Variants in DDX19A observed in about 807,000 individuals in gnomAD.
DDX19A encodes the protein DEAD-box helicase 19A.
Under a neutral mutation model 60.6 loss-of-function variants are expected in DDX19A, and 12 were observed. The ratio of observed to expected loss-of-function variants is 0.20; its 90% CI spans 0.13 to 0.32. The LOEUF is 0.32. Ranked by LOEUF, DDX19A falls within the 10% of genes least tolerant of loss-of-function variation. The pLI is 1.00. For synonymous variants in DDX19A, 206 were observed against 218.2 expected (o/e 0.94, Z 0.49); for missense variants, 337 against 600.6 (o/e 0.56, Z 4.59).
At chr16:70,368,955 C>T (rs550248900) in intron 9 of DDX19A, among the ~76,000 whole-genome samples, 1 of 152,248 alleles carries the variant, frequency 6.6e-6, no homozygotes, top group East Asian at 1.9e-4. Context: ...CAACCTCTGC[C>T]TCCCGGGTTC....
intron 2 of DDX19A, among the ~76,000 whole-genome samples, chr16:70,353,323 C>G (rs1318878616): frequency 6.6e-6 from 1 of 151,850 alleles, no homozygotes. Context: ...CCGTATTACC[C>G]AGACTGCTCT....
At position 70,372,399 on chromosome 16, in the gene DDX19A, G is replaced by A. The variant is rs1050658269; in HGVS notation, c.*413G>A. The A allele has an allele frequency of 2.1e-5, 5 of 243,290 alleles. No homozygotes were observed. Among genetic ancestry groups the A allele is most frequent in the African/African-American group, 9.2e-5 (4 of 43,590 alleles). 15.1% of individuals were successfully genotyped at this position (243,290 alleles called of 1,614,324 possible). A position where few individuals can be genotyped will look rare whatever the true frequency, so the allele number is the denominator to read the frequency against. On this transcript the variant is annotated 3_prime_UTR_variant, in exon 12 of 12. Coordinates refer to ENST00000302243, the MANE Select transcript of DDX19A (RefSeq NM_018332.5). ...GGTGTGAGCCCCACCGCTGTGCATC[G>A]AATGAGGGAAGTGGCAGCAGAGAGG...
intron 4 of DDX19A, among the ~76,000 whole-genome samples, chr16:70,356,648 G>A (rs549401909): frequency 2.1e-4 from 32 of 152,048 alleles, no homozygotes; most frequent in Non-Finnish European, 3.2e-4. Context: ...GTGAGCCACC[G>A]TGCCTGGCTA....
intron 1 of DDX19A, 104 bp from the exon 2 acceptor site, chr16:70,350,453 T>G: frequency 1.3e-6 from 1 of 747,750 alleles, no homozygotes. Flanking sequence ...ATACTGGTGC[T>G]GAAAGTTTCA....
intron 2 of DDX19A, among the ~76,000 whole-genome samples, chr16:70,354,544 TA>T (rs1292719649): frequency 6.6e-6 from 1 of 152,076 alleles, no homozygotes; most frequent in Non-Finnish European, 1.5e-5. Flanking sequence ...ATCTGATAGG[TA>T]AAAAATGGTA....
At position 70,372,883 on chromosome 16, in the gene DDX19A, C is replaced by G. The variant is rs1328471276; in HGVS notation, c.*897C>G. ...GGAAGTTATGACCAAGGGAATTATG[C>G]TGTTCATTTATAATAGTGGACATTA... On this transcript the variant is annotated 3_prime_UTR_variant, in exon 12 of 12. Coordinates refer to ENST00000302243, the MANE Select transcript of DDX19A (RefSeq NM_018332.5). The G allele has an allele frequency of 1.3e-5, 2 of 152,202 alleles. No homozygotes were observed. The highest frequency in any genetic ancestry group is 2.9e-5 in the Non-Finnish European group (2 of 68,056). 9.4% of individuals were successfully genotyped at this position (152,202 alleles called of 1,614,324 possible). A position where few individuals can be genotyped will look rare whatever the true frequency, so the allele number is the denominator to read the frequency against.
rs775630463 is a variant in DDX19A, at chr16:70,346,934, C to A, written c.-58C>A. On this transcript the variant is annotated 5_prime_UTR_variant, in exon 1 of 12. Coordinates refer to ENST00000302243, the MANE Select transcript of DDX19A (RefSeq NM_018332.5). The stretch of plus-strand genomic sequence containing the variant: ...TCGCGCCGGTGGCGAGGTTAGGGCC[C>A]GCGTTGCGACGTGGTGCAGCGCATA... The A allele has an allele frequency of 4.5e-6, 7 of 1,548,508 alleles. No homozygotes were observed. The highest frequency in any genetic ancestry group is 2.3e-5 in the East Asian group (1 of 43,158).
chr16:70,355,638 A>T, intron 3 of DDX19A, 103 bp downstream of exon 3: 1 of 934,128 alleles, frequency 1.1e-6, no homozygotes, highest in South Asian at 1.3e-5. Context: ...GATGAGAGGA[A>T]TCAGAGAAGG....
At chr16:70,366,389 A>G (rs1195219168) in intron 8 of DDX19A, 127 bp downstream of exon 8, 2 of 1,422,254 alleles carry the variant, frequency 1.4e-6, no homozygotes, top group Admixed American at 4.1e-5. Context: ...CATTTGTTTG[A>G]CGGGCCATTT....
intron 9 of DDX19A, among the ~76,000 whole-genome samples, chr16:70,369,533 T>A (rs974647674): frequency 6.6e-6 from 1 of 151,972 alleles, no homozygotes; most frequent in Non-Finnish European, 1.5e-5. Context: ...ATCTCCCAAA[T>A]TGCTGTGGTT....
At chr16:70,355,115 G>A (rs1014965007) in intron 2 of DDX19A, among the ~76,000 whole-genome samples, 4 of 152,218 alleles carry the variant, frequency 2.6e-5, no homozygotes, top group Non-Finnish European at 5.9e-5. Flanking sequence ...GCTCACGCCT[G>A]TAATCCCAGC....
At chr16:70,371,343 C>T in intron 10 of DDX19A, 29 bp from the exon 11 acceptor site, 1 of 1,614,108 alleles carries the variant, frequency 6.2e-7, no homozygotes, top group Non-Finnish European at 8.5e-7. Flanking sequence ...GTCCTTAGTC[C>T]TCTCAGCCTC....
Position 70,372,046 on chromosome 16 carries a change from A to T in DDX19A, c.*60A>T. On this transcript the variant is annotated 3_prime_UTR_variant, in exon 12 of 12. Coordinates refer to ENST00000302243, the MANE Select transcript of DDX19A (RefSeq NM_018332.5). ...CTGCCCCTGCACAGGAGACAAGTGC[A>T]TTTAGGGCACAGGCCCCGACATCAC... 2 of 1,613,408 alleles carry T rather than the reference A, an allele frequency of 1.2e-6. No individual in the cohort carries two copies. The highest frequency in any genetic ancestry group is 2.2e-5 in the East Asian group (1 of 44,888).
chr16:70,346,903 G>A lies in DDX19A; in HGVS notation c.-89G>A. ...CCGCCGCTTCCGGTCCGCGTGAGGT[G>A]CATTCTCGCGCCGGTGGCGAGGTTA... On this transcript the variant is annotated 5_prime_UTR_variant, in exon 1 of 12. Transcript: ENST00000302243. The A allele has an allele frequency of 2.2e-6, 3 of 1,333,898 alleles. No individual in the cohort carries two copies. Among genetic ancestry groups the A allele is most frequent in the South Asian group, 1.3e-5 (1 of 79,534 alleles). The allele number at this position is 1,333,898 out of a possible 1,614,324, so 82.6% of individuals were successfully genotyped here. A position where few individuals can be genotyped will look rare whatever the true frequency, so the allele number is the denominator to read the frequency against.
At chr16:70,350,413 C>G (rs995914042) in intron 1 of DDX19A, 144 bp from the exon 2 acceptor site, 2 of 540,940 alleles carry the variant, frequency 3.7e-6, no homozygotes, top group Admixed American at 3.5e-5. Context: ...TTCAGCAACT[C>G]TACTTTGAGG....
intron 1 of DDX19A, among the ~76,000 whole-genome samples, chr16:70,350,328 C>T (rs187859534): frequency 5.3e-5 from 8 of 152,244 alleles, no homozygotes; most frequent in Non-Finnish European, 1.0e-4. Flanking sequence ...TTCCCCCCAA[C>T]CATTATATTT....
chr16:70,346,921 C>A lies in DDX19A; in HGVS notation c.-71C>A. 1.3e-6 allele frequency: 2 copies of A among 1,496,396 alleles called. No homozygotes were observed. Among genetic ancestry groups the A allele is most frequent in the Middle Eastern group, 1.7e-4 (1 of 5,836 alleles). The allele number at this position is 1,496,396 out of a possible 1,614,324, so 92.7% of individuals were successfully genotyped here. On this transcript the variant is annotated 5_prime_UTR_variant, in exon 1 of 12. Coordinates refer to ENST00000302243, the MANE Select transcript of DDX19A (RefSeq NM_018332.5). ...GTGAGGTGCATTCTCGCGCCGGTGG[C>A]GAGGTTAGGGCCCGCGTTGCGACGT... is the stretch of plus-strand genomic sequence containing the variant.
chr16:70,370,546 G>T, intron 10 of DDX19A, 161 bp downstream of exon 10: 1 of 1,233,278 alleles, frequency 8.1e-7, no homozygotes, highest in Non-Finnish European at 1.1e-6. Flanking sequence ...ATTTCCCTGA[G>T]GTGGTAAGAA....
chr16:70,373,325 A>T lies in DDX19A; in HGVS notation c.*1339A>T, dbSNP rs1339489347. 2 of 152,140 alleles carry T rather than the reference A, an allele frequency of 1.3e-5. No individual in the cohort carries two copies. The highest frequency in any genetic ancestry group is 2.9e-5 in the Non-Finnish European group (2 of 68,014). 9.4% of individuals were successfully genotyped at this position (152,140 alleles called of 1,614,324 possible). On this transcript the variant is annotated 3_prime_UTR_variant, in exon 12 of 12. Coordinates refer to ENST00000302243, the MANE Select transcript of DDX19A (RefSeq NM_018332.5). The stretch of plus-strand genomic sequence containing the variant: ...AATTATGAGAAACGCTCTACTAATG[A>T]TTTGTTTTTATTTGTATTTTTCTGC...
Sources: gnomAD v4.1 joint callset for allele counts (sites outside exome capture counted in the v4.1 genomes callset) on GRCh38, gnomAD v4.1.1 for gene constraint, MANE v1.5 for transcripts, NCBI Gene and HGNC (gene_info 2026-07-23, HGNC 2026-07-21) for gene names.